The following ANO7 variants were observed in gnomAD, a reference collection of about 807,000 sequenced individuals.
The protein encoded by ANO7 is anoctamin-7.
A neutral mutation model predicts 115.8 loss-of-function variants in ANO7; 114 were observed. That is an observed-to-expected ratio of 0.98 (90% CI 0.85 to 1.15). ANO7 has a LOEUF of 1.15. Among genes scored for constraint, ANO7 ranks in the 50% most tolerant of loss-of-function variants. The probability of loss-of-function intolerance (pLI) is 0.00; values close to 1 mark genes in which losing one functional copy is unlikely to be tolerated. For synonymous variants in ANO7, 550 were observed against 498.2 expected, an observed-to-expected ratio of 1.10 and a Z score of -1.38; for missense variants, 1,302 against 1,201.2, an observed-to-expected ratio of 1.08 and a Z score of -1.24.
chr2:241,239,301 C>G, the ANO7 span, among the ~76,000 whole-genome samples: 5 of 152,160 alleles, frequency 3.3e-5, no homozygotes, highest in Admixed American at 1.3e-4. The surrounding 1 kb of genome is among the most constrained non-coding windows in gnomAD (Gnocchi z 4.6). Flanking sequence ...ATCCCTTATA[C>G]AGAATGCATT....
chr2:241,209,012 G>A (rs180742102), intron 11 of ANO7, among the ~76,000 whole-genome samples: 49 of 152,308 alleles, frequency 3.2e-4, no homozygotes, highest in Non-Finnish European at 4.1e-4. Context: ...AGCCGGGCGT[G>A]GTGGCGGGCG....
Position 241,203,501 on chromosome 2 carries a change from G to A in ANO7, c.889+3G>A. 1 of 1,493,072 alleles carries A rather than the reference G, an allele frequency of 6.7e-7. No individual in the cohort carries two copies. Among genetic ancestry groups the A allele is most frequent in the East Asian group, 2.6e-5 (1 of 38,126 alleles). 92.5% of individuals were successfully genotyped at this position (1,493,072 alleles called of 1,614,324 possible). A position where few individuals can be genotyped will look rare whatever the true frequency, so the allele number is the denominator to read the frequency against. Reference sequence around the variant, plus strand: ...GGCCCTCTACTTCGCCTGGCTCGGTGAGTCCCCCCCGCTGCCCCCCAGACC... The same window carrying A: ...GGCCCTCTACTTCGCCTGGCTCGGTAAGTCCCCCCCGCTGCCCCCCAGACC... On this transcript the variant is annotated splice_donor_region_variant and intron_variant, in intron 9 of 24. Transcript: ENST00000674324. This position sits in a 1 kb window ranked among gnomAD's most constrained non-coding sequence, Gnocchi z 4.8.
At chr2:241,190,233 C>T (rs2068163654) in intron 2 of ANO7, 62 bp downstream of exon 2, 3 of 1,415,004 alleles carry the variant, frequency 2.1e-6, no homozygotes, top group African/African-American at 1.4e-5. Context: ...GGGTCTATGC[C>T]CCCACCCTGG....
chr2:241,239,836 G>A, the ANO7 span: 7 of 1,612,372 alleles, frequency 4.3e-6, no homozygotes, highest in East Asian at 1.3e-4. This position sits in a 1 kb window ranked among gnomAD's most constrained non-coding sequence, Gnocchi z 4.6. Flanking sequence ...GTGTTAAGAA[G>A]AGATGGAAGA....
At chr2:241,190,841 G>C (rs1218943116) in intron 2 of ANO7, among the ~76,000 whole-genome samples, 2 of 152,226 alleles carry the variant, frequency 1.3e-5, no homozygotes, top group African/African-American at 4.8e-5. Context: ...TCTGCCCCTG[G>C]AGGCCAGCAA....
In ANO7 at chr2:241,223,683, C is replaced by T. The variant is rs768662010; in HGVS notation, c.2434C>T (p.Arg812Cys). Reference sequence around the variant, plus strand: ...CCAGCATGTGGTTTTCTCCGTTGGCCGCCTCCTGGACCTCCTGGTGCCTGA... The same window carrying T: ...CCAGCATGTGGTTTTCTCCGTTGGCTGCCTCCTGGACCTCCTGGTGCCTGA... Reference protein sequence around the residue: ...VFEHVVFSVGRLLDLLVPDIP... With the variant: ...VFEHVVFSVGCLLDLLVPDIP... Residue 812 changes from arginine (R) to cysteine (C), a missense_variant, in exon 23 of 25, where the codon CGC (arginine) becomes TGC (cysteine). Coordinates refer to ENST00000674324, the MANE Select transcript of ANO7 (RefSeq NM_001370694.2). 11 of 1,613,478 alleles carry T rather than the reference C, an allele frequency of 6.8e-6. No homozygotes were observed. The highest frequency in any genetic ancestry group is 4.4e-5 in the South Asian group (4 of 90,958).
At chr2:241,229,787 C>CCCCCCCCCCCCCCGG, downstream of ANO7, 1 of 1,137,652 alleles carries the variant, frequency 8.8e-7, no homozygotes, top group Non-Finnish European at 1.3e-6. Context: ...CCCGCCTGCC[C>CCCCCCCCCCCCCCGG]GCCCACCCTC....
intron 22 of ANO7, 135 bp from the exon 23 acceptor site, chr2:241,223,527 G>A: frequency 7.1e-7 from 1 of 1,398,866 alleles, no homozygotes; most frequent in Non-Finnish European, 9.7e-7. Flanking sequence ...GCCCCTTCTG[G>A]GGTTCCTTTT....
At position 241,209,271 on chromosome 2, in the gene ANO7, G is replaced by T; in HGVS notation, c.1078-14G>T. The T allele has an allele frequency of 6.5e-7, 1 of 1,546,598 alleles. No individual in the cohort carries two copies. On this transcript the variant is annotated splice_polypyrimidine_tract_variant and intron_variant, in intron 11 of 24. Coordinates refer to ENST00000674324, the MANE Select transcript of ANO7 (RefSeq NM_001370694.2). The stretch of plus-strand genomic sequence containing the variant: ...GTCCCAAGCAAGTCTGGACGCCCCC[G>T]CTCCCTGCCACAGGCCGGCCGGCTG...
At chr2:241,210,415 CG>C (rs771695307) in intron 14 of ANO7, 22 bp downstream of exon 14, 7 of 1,613,688 alleles carry the variant, frequency 4.3e-6, no homozygotes, top group Admixed American at 1.7e-5. Context: ...CTGCCTGCCT[CG>C]GGGGGCCCTG....
Position 241,195,789 on chromosome 2 carries a change from A to G in ANO7, c.253A>G (p.Thr85Ala). ...AARDRTDMHR[T>A]WRETFLDNLR... ...CCGGGACAGAACAGACATGCACAGGACCTGGCGGGAGACTTTTCTGGATAA... is the reference window on the plus strand; with the variant it reads ...CCGGGACAGAACAGACATGCACAGGGCCTGGCGGGAGACTTTTCTGGATAA... Residue 85 changes from threonine (T) to alanine (A), a missense_variant, in exon 4 of 25, where the codon ACC (threonine) becomes GCC (alanine). Physicochemically the swap from Thr to Ala is moderately conservative, Grantham distance 58. Coordinates refer to ENST00000674324, the MANE Select transcript of ANO7 (RefSeq NM_001370694.2). The G allele has an allele frequency of 6.2e-7, 1 of 1,614,196 alleles. No homozygotes were observed.
chr2:241,207,743 C>CAGG, intron 11 of ANO7, 73 bp downstream of exon 11: 3 of 1,341,976 alleles, frequency 2.2e-6, no homozygotes, highest in Non-Finnish European at 3.2e-6. Context: ...TTGTCCTGGT[C>CAGG]CTGACTCTGC....
At chr2:241,236,350 C>T in the ANO7 span, 4 of 513,142 alleles carry the variant, frequency 7.8e-6, no homozygotes, top group South Asian at 7.1e-5. Flanking sequence ...CCCCCGCACC[C>T]ACCGTGGGCC....
At chr2:241,238,528 AATAC>A in the ANO7 span, 1 of 789,606 alleles carries the variant, frequency 1.3e-6, no homozygotes. The surrounding 1 kb of genome is among the most constrained non-coding windows in gnomAD (Gnocchi z 4.9). Flanking sequence ...AAGCCCCCAG[AATAC>A]ATAGATGGTT....
chr2:241,216,965 C>G (rs1013209334), intron 19 of ANO7, among the ~76,000 whole-genome samples: 3 of 152,202 alleles, frequency 2.0e-5, no homozygotes, highest in African/African-American at 7.2e-5. Context: ...TCCCGAGTAG[C>G]TGGGATTACA....
At chr2:241,189,069 A>T (rs2068125404) in intron 1 of ANO7, among the ~76,000 whole-genome samples, 1 of 152,116 alleles carries the variant, frequency 6.6e-6, no homozygotes, top group South Asian at 2.1e-4. Context: ...GAGAGCTCTG[A>T]GGAGGGGCCC....
Position 241,211,793 on chromosome 2 carries a change from C to T in ANO7, c.1562-301C>T, listed in dbSNP as rs181670597. On this transcript the variant is annotated intron_variant, in intron 15 of 24. Transcript: ENST00000674324. ...ACCTGCACCGGAGCCCAGTCCGCTG[C>T]GCAGCCTTGGCACCGAGCCTCTATT... 1.6e-3 allele frequency among the ~76,000 whole-genome samples: 242 copies of T among 152,288 alleles called. 1 individual carries two copies. The East Asian group carries it at 0.026, about 16-fold the overall frequency.
In ANO7 at chr2:241,209,409, C is replaced by T; in HGVS notation, c.1202C>T (p.Ser401Phe). The change falls in exon 12 of 25, where the codon TCT becomes TTT. Residue 401 changes from serine (S) to phenylalanine (F), a missense_variant. Transcript: ENST00000674324. Reference protein sequence around the residue: ...SATLAYRWDCSDYEDTEERPR... With the variant: ...SATLAYRWDCFDYEDTEERPR... ...ACGCTGGCCTACCGCTGGGACTGCT[C>T]TGACTACGAGGACACTGAGGTGAGC... 1 of 1,588,436 alleles carries T rather than the reference C, an allele frequency of 6.3e-7. No individual in the cohort carries two copies. Among genetic ancestry groups the T allele is most frequent in the Non-Finnish European group, 8.6e-7 (1 of 1,168,340 alleles).
At position 241,225,801 on chromosome 2, in the gene ANO7, C is replaced by T. The variant is rs192460729; in HGVS notation, c.*1648C>T. On this transcript the variant is annotated 3_prime_UTR_variant, in exon 25 of 25. Coordinates refer to ENST00000674324, the MANE Select transcript of ANO7 (RefSeq NM_001370694.2). The stretch of plus-strand genomic sequence containing the variant: ...ACAGCGCCCTGGGGCTGGACACCAC[C>T]GGCCGGAGCATGGCGGACAGCACAC... Among the ~76,000 whole-genome samples the T allele has an allele frequency of 9.9e-5, 15 of 152,282 alleles. No homozygotes were observed. The South Asian group carries it at 1.2e-3, about 13-fold the overall frequency.
Sources: allele counts gnomAD v4.1 joint callset (sites outside exome capture counted in the v4.1 genomes callset), GRCh38; gene constraint gnomAD v4.1.1; non-coding constraint Gnocchi (gnomAD v3.1); transcripts MANE v1.5; gene names NCBI Gene and HGNC (gene_info 2026-07-23, HGNC 2026-07-21).